Variants in INPP5A observed in about 807,000 individuals in gnomAD.
INPP5A encodes the protein 43 kDa inositol polyphosphate 5-phophatase.
In INPP5A, 14 loss-of-function variants were observed where a neutral mutation model predicts 65.2. The ratio of observed to expected loss-of-function variants is 0.21; its 90% CI spans 0.14 to 0.34. INPP5A has a LOEUF of 0.34. INPP5A is among the 10% of genes least tolerant of loss of function. INPP5A has a pLI of 1.00. For synonymous variants in INPP5A, 207 were observed against 208.3 expected, an observed-to-expected ratio of 0.99 and a Z score of 0.05; for missense variants, 431 against 545.6, an observed-to-expected ratio of 0.79 and a Z score of 2.09.
At chr10:132,712,912 ATG>A (rs200802325) in intron 8 of INPP5A, among the ~76,000 whole-genome samples, 5,098 of 130,850 alleles carry the variant, frequency 0.039, 276 homozygotes, top group African/African-American at 0.13. Flanking sequence ...AGGTGTGTGC[ATG>A]TGTGTGGGTG....
At chr10:132,728,503 C>T (rs1051507226) in intron 9 of INPP5A, among the ~76,000 whole-genome samples, 7 of 152,356 alleles carry the variant, frequency 4.6e-5, no homozygotes, top group African/African-American at 1.2e-4. Flanking sequence ...CCTCCACCCC[C>T]GCCAAGCCAC....
chr10:132,641,225 C>G (rs1378517371), intron 2 of INPP5A, among the ~76,000 whole-genome samples: 1 of 152,204 alleles, frequency 6.6e-6, no homozygotes, highest in East Asian at 1.9e-4. Flanking sequence ...ACACGTTGCT[C>G]CATTCCCCTT....
intron 2 of INPP5A, among the ~76,000 whole-genome samples, chr10:132,629,196 A>G (rs1454322778): frequency 6.6e-6 from 1 of 152,144 alleles, no homozygotes; most frequent in Non-Finnish European, 1.5e-5. Flanking sequence ...TTCCTCTTTA[A>G]GCTACCTGGT....
chr10:132,574,628 G>GTATTTTATTT (rs66485970), intron 1 of INPP5A, among the ~76,000 whole-genome samples: 95 of 114,188 alleles, frequency 8.3e-4, no homozygotes, highest in African/African-American at 3.2e-3. Context: ...TTTTAATTTT[G>GTATTTTATTT]TATTTTATTT....
chr10:132,573,629 C>T (rs1184777652), intron 1 of INPP5A, among the ~76,000 whole-genome samples: 21 of 83,186 alleles, frequency 2.5e-4, no homozygotes, highest in African/African-American at 4.8e-4. Context: ...GTGTGCGTGC[C>T]GTGTGAGGTT....
At chr10:132,598,211 G>A (rs959754289) in intron 1 of INPP5A, among the ~76,000 whole-genome samples, 5 of 152,164 alleles carry the variant, frequency 3.3e-5, no homozygotes, top group Non-Finnish European at 4.4e-5. Context: ...GCGCTGTGGC[G>A]ATGGAGATTA....
intron 9 of INPP5A, among the ~76,000 whole-genome samples, chr10:132,729,626 G>A (rs1467184576): frequency 6.6e-6 from 1 of 152,216 alleles, no homozygotes. Flanking sequence ...CCGTGTTCGT[G>A]TTAGGCTGTC....
rs975041339 is a variant in INPP5A, at chr10:132,704,483, G to A, written c.475-3830G>A. 3.9e-5 allele frequency among the ~76,000 whole-genome samples: 6 copies of A among 152,222 alleles called. No homozygotes were observed. The highest frequency in any genetic ancestry group is 2.1e-4 in the South Asian group (1 of 4,836). On this transcript the variant is annotated intron_variant, in intron 6 of 15. Coordinates refer to ENST00000368594, the MANE Select transcript of INPP5A (RefSeq NM_005539.5). The surrounding 1 kb of genome is among the most constrained non-coding windows in gnomAD (Gnocchi z 4.5). ...GTGCCTGTGTGTTGGACGCCAGCCCGCGGCGGCTGCTGGTGCGCAGAGCCA... is the reference window on the plus strand; with the variant it reads ...GTGCCTGTGTGTTGGACGCCAGCCCACGGCGGCTGCTGGTGCGCAGAGCCA...
chr10:132,759,322 G>A (rs953989706), intron 11 of INPP5A, among the ~76,000 whole-genome samples: 32 of 152,194 alleles, frequency 2.1e-4, no homozygotes, highest in African/African-American at 7.2e-4. Flanking sequence ...CTCCACCCAC[G>A]AGTGTACAGA....
intron 11 of INPP5A, among the ~76,000 whole-genome samples, chr10:132,757,298 G>A (rs1053359978): frequency 3.9e-5 from 6 of 152,198 alleles, no homozygotes; most frequent in Admixed American, 6.5e-5. Context: ...AGCTCACCCC[G>A]AGCCCGTCCC....
intron 9 of INPP5A, among the ~76,000 whole-genome samples, chr10:132,728,943 G>A (rs555444250): frequency 6.6e-6 from 1 of 152,238 alleles, no homozygotes; most frequent in South Asian, 2.1e-4. Flanking sequence ...TTGTGTGGCC[G>A]CTCTGGTCTT....
chr10:132,743,663 A>G (rs1248483365), intron 9 of INPP5A, among the ~76,000 whole-genome samples: 3 of 152,164 alleles, frequency 2.0e-5, no homozygotes, highest in Non-Finnish European at 2.9e-5. Flanking sequence ...TGGGGAGGAA[A>G]CTTCTGAATC....
At chr10:132,752,576 G>A (rs1353889994) in intron 11 of INPP5A, among the ~76,000 whole-genome samples, 2 of 140,232 alleles carry the variant, frequency 1.4e-5, no homozygotes, top group African/African-American at 5.4e-5. Flanking sequence ...GAGGGGAGTG[G>A]TGAGGAGGTG....
In INPP5A at chr10:132,781,946, G is replaced by A. The variant is rs1209462752; in HGVS notation, c.*5G>A. ...AAGTGTTGTGTCGTGCAGTGACGTG[G>A]TGGTAAATATGACTCCTCCCTCCAG... On this transcript the variant is annotated splice_region_variant and 3_prime_UTR_variant, in exon 15 of 16. Transcript: ENST00000368594. 3 of 1,613,638 alleles carry A rather than the reference G, an allele frequency of 1.9e-6. No individual in the cohort carries two copies. Among genetic ancestry groups the A allele is most frequent in the Non-Finnish European group, 2.5e-6 (3 of 1,179,808 alleles).
At chr10:132,680,813 G>T (rs1197845655) in intron 4 of INPP5A, among the ~76,000 whole-genome samples, 2 of 152,272 alleles carry the variant, frequency 1.3e-5, no homozygotes. Context: ...GCTGCGGAGG[G>T]TGTACTGGGT....
intron 1 of INPP5A, among the ~76,000 whole-genome samples, chr10:132,544,321 C>T (rs117592765): frequency 0.05 from 7,574 of 152,314 alleles, 216 homozygotes; most frequent in Non-Finnish European, 0.074. Context: ...GTCCTCATTT[C>T]GGAGGCAGCT....
intron 6 of INPP5A, among the ~76,000 whole-genome samples, chr10:132,703,080 C>A (rs1454076704): frequency 1.3e-5 from 2 of 152,124 alleles, no homozygotes; most frequent in Non-Finnish European, 2.9e-5. Flanking sequence ...TCGGACTCAC[C>A]GTTTCTCCCA....
intron 1 of INPP5A, among the ~76,000 whole-genome samples, chr10:132,542,532 C>A (rs1190512927): frequency 6.6e-6 from 1 of 151,902 alleles, no homozygotes; most frequent in Non-Finnish European, 1.5e-5. Flanking sequence ...CTCCATGTTT[C>A]CTCCAGCCAC....
intron 8 of INPP5A, among the ~76,000 whole-genome samples, chr10:132,712,120 G>A (rs1845647385): frequency 6.6e-6 from 1 of 152,252 alleles, no homozygotes; most frequent in Non-Finnish European, 1.5e-5. Flanking sequence ...AAGGCAGGTG[G>A]GGTTATGAAG....
Sources: gnomAD v4.1 joint callset for allele counts (sites outside exome capture counted in the v4.1 genomes callset) on GRCh38, gnomAD v4.1.1 for gene constraint, Gnocchi (gnomAD v3.1) non-coding constraint, MANE v1.5 for transcripts, NCBI Gene and HGNC (gene_info 2026-07-23, HGNC 2026-07-21) for gene names.